HERC2: variants seen among roughly 807,000 people sequenced by gnomAD.
The protein encoded by HERC2 is HECT and RLD domain containing E3 ubiquitin protein ligase 2.
HERC2 carries 102 observed loss-of-function variants against 537.7 expected under a neutral mutation model. That is an observed-to-expected ratio of 0.19 (90% CI 0.16 to 0.22). The LOEUF (loss-of-function observed/expected upper bound fraction) is 0.22. HERC2 is among the 10% of genes least tolerant of loss of function. HERC2 has a pLI of 1.00. For missense variants in HERC2, 4,236 were observed against 6,198.2 expected (o/e 0.68, Z 10.63); for synonymous variants, 2,224 against 2,466.2 (o/e 0.90, Z 2.91).
chr15:28,214,346 C>G lies in HERC2; in HGVS notation c.6359-74G>C, dbSNP rs1899623896. On this transcript the variant is annotated intron_variant, in intron 40 of 92. Coordinates refer to ENST00000261609, the MANE Select transcript of HERC2 (RefSeq NM_004667.6). ...CACAGGGAAAGGAGACGGCTACCCACCTCTAAGTGACGGCACTGCGCCGCT... is the reference window on the plus strand; with the variant it reads ...CACAGGGAAAGGAGACGGCTACCCAGCTCTAAGTGACGGCACTGCGCCGCT... The G allele has an allele frequency of 1.3e-5, 17 of 1,308,210 alleles. 1 individual carries two copies. Among genetic ancestry groups the G allele is most frequent in the Non-Finnish European group, 1.9e-5 (17 of 907,694 alleles). The allele number at this position is 1,308,210 out of a possible 1,614,324, so 81.0% of individuals were successfully genotyped here.
chr15:28,163,655 C>T (rs938881639), intron 68 of HERC2, among the ~76,000 whole-genome samples: 3 of 152,150 alleles, frequency 2.0e-5, no homozygotes, highest in Admixed American at 2.0e-4. Context: ...GCTAGGGAAT[C>T]GTTTACAAAC....
At position 28,229,750 on chromosome 15, in the gene HERC2, A is replaced by G; in HGVS notation, c.4907T>C (p.Leu1636Pro). 2 of 1,588,876 alleles carry G rather than the reference A, an allele frequency of 1.3e-6. No homozygotes were observed. The highest frequency in any genetic ancestry group is 1.7e-6 in the Non-Finnish European group (2 of 1,158,828). The change falls in exon 32 of 93, where the codon CTC becomes CCC. Residue 1636 changes from leucine (L) to proline (P), a missense_variant. This residue lies in a region of HERC2 where 343 missense variants were observed against 417.2 expected (regional missense o/e 0.82). Coordinates refer to ENST00000261609, the MANE Select transcript of HERC2 (RefSeq NM_004667.6). Reference protein sequence around the residue: ...VQGLYPQSPLLSTIAEFALKE... With the variant: ...VQGLYPQSPLPSTIAEFALKE... ...AAGGGCAAATTCAGCAATTGTACTG[A>G]GGAGTGGAGACTGCGGATAAAGACC...
At chr15:28,205,135 C>A (rs1220814165) in intron 45 of HERC2, among the ~76,000 whole-genome samples, 2 of 152,018 alleles carry the variant, frequency 1.3e-5, no homozygotes, top group African/African-American at 2.4e-5. Context: ...AAAGACATTT[C>A]ATGAAAAAGA....
At chr15:28,253,853 T>C (rs1300259000) in intron 20 of HERC2, among the ~76,000 whole-genome samples, 2 of 151,938 alleles carry the variant, frequency 1.3e-5, no homozygotes, top group Admixed American at 1.3e-4. Flanking sequence ...TCCCAGCTAC[T>C]TGGGAGGCTG....
At chr15:28,194,317 G>A (rs918051555) in intron 52 of HERC2, among the ~76,000 whole-genome samples, 48 of 142,744 alleles carry the variant, frequency 3.4e-4, no homozygotes, top group African/African-American at 1.1e-3. Context: ...CACCCGCCTC[G>A]CCTCCAAAAG....
intron 52 of HERC2, among the ~76,000 whole-genome samples, chr15:28,195,510 T>C (rs1897273604): frequency 6.6e-6 from 1 of 152,170 alleles, no homozygotes; most frequent in South Asian, 2.1e-4. Flanking sequence ...ATTTAGCCAT[T>C]AAAAAGGATG....
At position 28,177,632 on chromosome 15, in the gene HERC2, G is replaced by C. The variant is rs1895425227; in HGVS notation, c.9164-123C>G. 2.5e-6 allele frequency: 2 copies of C among 786,974 alleles called. No individual in the cohort carries two copies. Among genetic ancestry groups the C allele is most frequent in the Non-Finnish European group, 2.2e-6 (1 of 463,284 alleles). The allele number at this position is 786,974 out of a possible 1,614,324, so 48.7% of individuals were successfully genotyped here. ...CAATGAGCGTGAGCTGAATAAATGA[G>C]TAACTCAACAGGATCAACAGCGGAG... On this transcript the variant is annotated intron_variant, in intron 59 of 92. Coordinates refer to ENST00000261609, the MANE Select transcript of HERC2 (RefSeq NM_004667.6). This position sits in a 1 kb window ranked among gnomAD's most constrained non-coding sequence, Gnocchi z 5.0.
chr15:28,255,258 C>A (rs1365677226), intron 19 of HERC2, among the ~76,000 whole-genome samples: 1 of 152,100 alleles, frequency 6.6e-6, no homozygotes, highest in East Asian at 1.9e-4. Flanking sequence ...TCATTTGAGC[C>A]TAGGAGGACA....
intron 23 of HERC2, among the ~76,000 whole-genome samples, chr15:28,244,219 C>T (rs2140774107): frequency 6.6e-6 from 1 of 152,240 alleles, no homozygotes; most frequent in Non-Finnish European, 1.5e-5. Flanking sequence ...ACTTACATTT[C>T]CATCAACAAG....
chr15:28,293,352 C>G (rs1221180688), intron 3 of HERC2, among the ~76,000 whole-genome samples: 1 of 151,652 alleles, frequency 6.6e-6, no homozygotes, highest in African/African-American at 2.4e-5. Context: ...AATTAGCCAG[C>G]CGTGGTGGCG....
rs751252828 is a variant in HERC2 at position 28,265,561 on chromosome 15, G to T, written c.1870+57C>A. On this transcript the variant is annotated intron_variant, in intron 14 of 92. Transcript: ENST00000261609. The surrounding 1 kb of genome is among the most constrained non-coding windows in gnomAD (Gnocchi z 4.0). Reference sequence around the variant, plus strand: ...ACTGTACTCATCTCACTTCCTCCAGGGAAGCTGCCATGCGTGTCCTCGTGG... The same window carrying T: ...ACTGTACTCATCTCACTTCCTCCAGTGAAGCTGCCATGCGTGTCCTCGTGG... 1.4e-5 allele frequency: 20 copies of T among 1,427,996 alleles called. No individual in the cohort carries two copies. The highest frequency in any genetic ancestry group is 1.8e-5 in the Non-Finnish European group (18 of 1,014,270). The allele number at this position is 1,427,996 out of a possible 1,614,324, so 88.5% of individuals were successfully genotyped here.
intron 83 of HERC2, among the ~76,000 whole-genome samples, chr15:28,125,905 G>A (rs747349490): frequency 2.0e-5 from 3 of 152,140 alleles, no homozygotes; most frequent in Non-Finnish European, 2.9e-5. Flanking sequence ...TCCGCCTCCC[G>A]GGTTCGAGCG....
intron 55 of HERC2, 132 bp from the exon 56 acceptor site, chr15:28,186,884 T>C (rs2140233492): frequency 3.6e-6 from 2 of 550,096 alleles, no homozygotes; most frequent in Non-Finnish European, 3.1e-6. Flanking sequence ...TCTGGAAATA[T>C]CAACTGAGTT....
intron 44 of HERC2, among the ~76,000 whole-genome samples, chr15:28,207,041 C>G (rs972812836): frequency 2.0e-5 from 3 of 151,640 alleles, no homozygotes; most frequent in Admixed American, 6.6e-5. Flanking sequence ...GACTCTAAAC[C>G]ACTTTCACTG....
Position 28,167,781 on chromosome 15 carries a change from G to A in HERC2, c.10460C>T (p.Ser3487Leu), listed in dbSNP as rs146303265. Residue 3487 changes from serine (S) to leucine (L), a missense_variant, in exon 68 of 93, where the codon TCG becomes TTG. By Grantham distance (145) the Ser-to-Leu change is moderately radical (BLOSUM62 -2). Transcript: ENST00000261609. ...DAVTPSAVTP[S>L]APSASARPFI... ...AGGCCGAGCGGAGGCTGAGGGGGCCGACGGAGTCACTGCAGAGGGGGTCAC... is the reference window on the plus strand; with the variant it reads ...AGGCCGAGCGGAGGCTGAGGGGGCCAACGGAGTCACTGCAGAGGGGGTCAC... 671 of 1,614,174 alleles carry A rather than the reference G, an allele frequency of 4.2e-4. 4 individuals are homozygous for A. Among genetic ancestry groups the A allele is most frequent in the Non-Finnish European group, 5.4e-4 (638 of 1,180,020 alleles).
At chr15:28,139,295 C>T (rs1405018784) in intron 78 of HERC2, among the ~76,000 whole-genome samples, 1 of 152,234 alleles carries the variant, frequency 6.6e-6, no homozygotes, top group Non-Finnish European at 1.5e-5. Flanking sequence ...GGGGCTCTGT[C>T]TCCTCCACTC....
rs1425222219 is a variant in HERC2 at position 28,287,761 on chromosome 15, T to C, written c.322+5127A>G. Among the ~76,000 whole-genome samples, 4 of 142,904 alleles carry C rather than the reference T, an allele frequency of 2.8e-5. No individual in the cohort carries two copies. In the Admixed American group the frequency reaches 2.8e-4, roughly 10 times the overall value. The allele number at this position is 142,904 out of a possible 152,430, so 93.8% of individuals were successfully genotyped here. ...TTTGGTTTGAGATGGAGTCTCACCCTGTCACCCAGGCTAGAGTGGTGGTGC... is the reference window on the plus strand; with the variant it reads ...TTTGGTTTGAGATGGAGTCTCACCCCGTCACCCAGGCTAGAGTGGTGGTGC... On this transcript the variant is annotated intron_variant, in intron 4 of 92. Coordinates refer to ENST00000261609, the MANE Select transcript of HERC2 (RefSeq NM_004667.6).
rs555030478 is a variant in HERC2 at position 28,249,081 on chromosome 15, C to T, written c.3051-345G>A. On this transcript the variant is annotated intron_variant, in intron 20 of 92. Coordinates refer to ENST00000261609, the MANE Select transcript of HERC2 (RefSeq NM_004667.6). Reference sequence around the variant, plus strand: ...TTAAGGAATGTAAACATTAAGACAACGAAATTTAAAATACTGATGAGGCTA... The same window carrying T: ...TTAAGGAATGTAAACATTAAGACAATGAAATTTAAAATACTGATGAGGCTA... 5.6e-4 allele frequency among the ~76,000 whole-genome samples: 86 copies of T among 152,268 alleles called. No individual in the cohort carries two copies. The East Asian group carries it at 0.011, about 19-fold the overall frequency.
intron 3 of HERC2, among the ~76,000 whole-genome samples, chr15:28,295,893 G>C (rs2076455992): frequency 6.6e-6 from 1 of 152,072 alleles, no homozygotes; most frequent in Non-Finnish European, 1.5e-5. Flanking sequence ...GGCTATGACA[G>C]AGACCATAGG....
Sources: allele counts gnomAD v4.1 joint callset (sites outside exome capture counted in the v4.1 genomes callset), GRCh38; gene constraint gnomAD v4.1.1; regional missense constraint gnomAD v4.1.1; non-coding constraint Gnocchi (gnomAD v3.1); transcripts MANE v1.5; gene names NCBI Gene and HGNC (gene_info 2026-07-23, HGNC 2026-07-21).